Variants in LAMP3 observed in about 807,000 individuals in gnomAD.
The protein encoded by LAMP3 is lysosome associated membrane protein 3.
LAMP3 carries 26 observed loss-of-function variants against 34.8 expected under a neutral mutation model. That is an observed-to-expected ratio of 0.75 (90% CI 0.55 to 1.04). The LOEUF (loss-of-function observed/expected upper bound fraction) is 1.04, where lower values mean the gene tolerates loss of function less well. LAMP3 is among the 50% of genes least tolerant of loss of function. The pLI, the probability that LAMP3 is intolerant of heterozygous loss-of-function variation, is 0.00. For synonymous variants in LAMP3, 180 were observed against 201.9 expected, an observed-to-expected ratio of 0.89 and a Z score of 0.92; for missense variants, 495 against 524.0, an observed-to-expected ratio of 0.94 and a Z score of 0.54.
At chr3:183,152,629 T>A in intron 2 of LAMP3, 126 bp from the exon 3 acceptor site, 1 of 788,022 alleles carries the variant, frequency 1.3e-6, no homozygotes, top group Non-Finnish European at 2.0e-6. Context: ...AACTGCAAAG[T>A]CCCCAGACAA....
At chr3:183,127,978 A>AAAATG (rs1560302280) in intron 5 of LAMP3, among the ~76,000 whole-genome samples, 1 of 152,004 alleles carries the variant, frequency 6.6e-6, no homozygotes, top group Non-Finnish European at 1.5e-5. Context: ...AAAAATATGA[A>AAAATG]AAATAAAATA....
intron 5 of LAMP3, among the ~76,000 whole-genome samples, chr3:183,128,828 C>A (rs1719844666): frequency 6.6e-6 from 1 of 152,176 alleles, no homozygotes; most frequent in African/African-American, 2.4e-5. Context: ...AGGTGTGAGC[C>A]ACTAGGCCAG....
chr3:183,159,365 A>G (rs543537077), intron 1 of LAMP3, among the ~76,000 whole-genome samples: 1 of 152,326 alleles, frequency 6.6e-6, no homozygotes, highest in African/African-American at 2.4e-5. Context: ...GAGAACAGCA[A>G]GGGGTCAGCA....
chr3:183,154,366 C>T lies in LAMP3; in HGVS notation c.75G>A (p.Met25Ile). The T allele has an allele frequency of 6.2e-7, 1 of 1,600,460 alleles. No homozygotes were observed. The highest frequency in any genetic ancestry group is 8.5e-7 in the Non-Finnish European group (1 of 1,173,890). ...LAVILHDGSQ[M>I]RAKAFPETRD... ...TGGTTTCTGGAAATGCTTTTGCTCT[C>T]ATTTGACTGCCATCGTGCAAAATTA... The change falls in exon 2 of 6, where the codon ATG becomes ATA. Residue 25 changes from methionine to isoleucine, a missense_variant. By Grantham distance (10) the Met-to-Ile change is conservative (BLOSUM62 1). Transcript: ENST00000265598.
At chr3:183,158,615 C>CTGT (rs1720888182) in intron 1 of LAMP3, among the ~76,000 whole-genome samples, 1 of 152,054 alleles carries the variant, frequency 6.6e-6, no homozygotes, top group Non-Finnish European at 1.5e-5. Flanking sequence ...TTTGGTTCCC[C>CTGT]TACAACCAGT....
chr3:183,124,161 C>G lies in LAMP3; in HGVS notation c.1171G>C (p.Val391Leu). 6.2e-7 allele frequency: 1 copy of G among 1,610,140 alleles called. No individual in the cohort carries two copies. Among genetic ancestry groups the G allele is most frequent in the Non-Finnish European group, 8.5e-7 (1 of 1,178,802 alleles). Residue 391 changes from valine to leucine, a missense_variant, in exon 6 of 6, where the codon GTG becomes CTG. Coordinates refer to ENST00000265598, the MANE Select transcript of LAMP3 (RefSeq NM_014398.4). ...TIVLPVIGAIVVGLCLMGMGV... is the reference protein window; with the variant it reads ...TIVLPVIGAILVGLCLMGMGV... ...ATACCCATAAGGCAGAGACCAACCA[C>G]GATGGCCCCAATCACAGGAAGCACA... is the stretch of plus-strand genomic sequence containing the variant.
At chr3:183,147,034 G>C (rs1349109150) in intron 3 of LAMP3, among the ~76,000 whole-genome samples, 1 of 151,910 alleles carries the variant, frequency 6.6e-6, no homozygotes, top group Non-Finnish European at 1.5e-5. Context: ...ACGAGGTCAG[G>C]AGATCGAGAC....
In LAMP3 at chr3:183,153,919, T is replaced by A; in HGVS notation, c.522A>T (p.Ile174=). ...NQTTLPATLS[I]ALHKSTTGQK... is the part of the protein sequence containing the mutation. ...GACCGGTTGTGCTTTTGTGCAGTGC[T>A]ATCGATAAAGTTGCTGGAAGGGTGG... Residue 174 remains isoleucine (I), a synonymous_variant, in exon 2 of 6, where the codon ATA becomes ATT. Coordinates refer to ENST00000265598, the MANE Select transcript of LAMP3 (RefSeq NM_014398.4). 6.2e-7 allele frequency: 1 copy of A among 1,614,190 alleles called. No homozygotes were observed. Among genetic ancestry groups the A allele is most frequent in the Non-Finnish European group, 8.5e-7 (1 of 1,180,034 alleles).
intron 3 of LAMP3, among the ~76,000 whole-genome samples, chr3:183,142,008 GC>G (rs1720297571): frequency 6.6e-6 from 1 of 152,208 alleles, no homozygotes; most frequent in African/African-American, 2.4e-5. Flanking sequence ...GGACCTGGTT[GC>G]CTCCGTCAAG....
chr3:183,125,066 C>T (rs1404871093), intron 5 of LAMP3, among the ~76,000 whole-genome samples: 1 of 151,980 alleles, frequency 6.6e-6, no homozygotes, highest in Non-Finnish European at 1.5e-5. Context: ...CATTAGAAAA[C>T]GCTTACTCAA....
chr3:183,153,109 A>G (rs1208019170), intron 2 of LAMP3, among the ~76,000 whole-genome samples: 1 of 138,096 alleles, frequency 7.2e-6, no homozygotes, highest in African/African-American at 2.7e-5. Context: ...AGGGAGGTGG[A>G]GGTTGCAGTG....
At chr3:183,132,258 ATACAT>A (rs1719946928) in intron 5 of LAMP3, 2 of 944,558 alleles carry the variant, frequency 2.1e-6, no homozygotes, top group South Asian at 9.8e-5. Context: ...TAAACTGATA[ATACAT>A]TACAATAGAG....
At chr3:183,153,174 C>CA (rs750659929) in intron 2 of LAMP3, among the ~76,000 whole-genome samples, 1,486 of 45,472 alleles carry the variant, frequency 0.033, 55 homozygotes, top group African/African-American at 0.065. Flanking sequence ...GACTCCGTCT[C>CA]AAAAAAAAAA....
chr3:183,157,345 G>T (rs191555647), intron 1 of LAMP3, among the ~76,000 whole-genome samples: 1 of 152,148 alleles, frequency 6.6e-6, no homozygotes. Flanking sequence ...ATCCCTGCAC[G>T]TAGAACTTTT....
chr3:183,149,279 C>T (rs774772778), intron 3 of LAMP3, among the ~76,000 whole-genome samples: 116 of 151,894 alleles, frequency 7.6e-4, no homozygotes, highest in Non-Finnish European at 1.5e-3. Context: ...CGGTGGCTCA[C>T]GCCTGTAATC....
At chr3:183,139,199 GA>G in intron 4 of LAMP3, among the ~76,000 whole-genome samples, 2 of 152,196 alleles carry the variant, frequency 1.3e-5, no homozygotes, top group Middle Eastern at 6.8e-3. Context: ...AAACCAGCCT[GA>G]CCAACGTGGA....
intron 3 of LAMP3, among the ~76,000 whole-genome samples, chr3:183,146,852 C>T (rs1033318106): frequency 1.3e-5 from 2 of 151,434 alleles, no homozygotes; most frequent in African/African-American, 4.9e-5. Flanking sequence ...AATGTGTTGC[C>T]AACATTAAAA....
chr3:183,136,948 C>T (rs1199963237), intron 4 of LAMP3, among the ~76,000 whole-genome samples: 4 of 151,500 alleles, frequency 2.6e-5, no homozygotes, highest in Non-Finnish European at 4.4e-5. Context: ...TTCGAGGTTG[C>T]AGTGAGCTAT....
chr3:183,132,948 A>T, intron 5 of LAMP3: 1 of 985,370 alleles, frequency 1.0e-6, no homozygotes, highest in Non-Finnish European at 1.2e-6. Context: ...TCACTGAAGC[A>T]TTCATCCGCT....
Sources: allele counts gnomAD v4.1 joint callset (sites outside exome capture counted in the v4.1 genomes callset), GRCh38; gene constraint gnomAD v4.1.1; transcripts MANE v1.5; gene names NCBI Gene and HGNC (gene_info 2026-07-23, HGNC 2026-07-21).